The following RXFP2 variants were observed in gnomAD, a reference collection of about 807,000 sequenced individuals.
The protein encoded by RXFP2 is relaxin family peptide receptor 2.
RXFP2 carries 68 observed loss-of-function variants against 88.6 expected under a neutral mutation model. The ratio of observed to expected loss-of-function variants is 0.77; its 90% CI spans 0.63 to 0.94. The LOEUF is 0.94. RXFP2 is among the 40% of genes least tolerant of loss of function. RXFP2 has a pLI of 0.00. For missense variants in RXFP2, 791 were observed against 893.9 expected (o/e 0.88, Z 1.47); for synonymous variants, 329 against 306.8 (o/e 1.07, Z -0.76).
intron 1 of RXFP2, among the ~76,000 whole-genome samples, chr13:31,749,789 A>G (rs1177830559): frequency 1.3e-5 from 2 of 152,212 alleles, no homozygotes; most frequent in Non-Finnish European, 2.9e-5. Flanking sequence ...TTTAATATTC[A>G]CAGTCATATT....
At chr13:31,801,508 T>C (rs1874342273) in intron 17 of RXFP2, among the ~76,000 whole-genome samples, 1 of 152,048 alleles carries the variant, frequency 6.6e-6, no homozygotes, top group African/African-American at 2.4e-5. Flanking sequence ...ACCAAGCAAA[T>C]GAAATGATGC....
chr13:31,775,754 G>C (rs148478319), intron 7 of RXFP2, among the ~76,000 whole-genome samples: 16 of 152,250 alleles, frequency 1.1e-4, no homozygotes, highest in African/African-American at 3.9e-4. Flanking sequence ...TTAAGAACTT[G>C]TTCTGCTTTC....
intron 1 of RXFP2, among the ~76,000 whole-genome samples, chr13:31,741,226 G>A (rs1362462527): frequency 6.6e-6 from 1 of 151,882 alleles, no homozygotes; most frequent in Non-Finnish European, 1.5e-5. Context: ...TTATTTCTAA[G>A]TAAAAGCCAT....
At chr13:31,790,572 T>C (rs1873744779) in intron 14 of RXFP2, among the ~76,000 whole-genome samples, 1 of 152,236 alleles carries the variant, frequency 6.6e-6, no homozygotes, top group African/African-American at 2.4e-5. Context: ...TGCCAGGCAC[T>C]GCGTTAGACA....
chr13:31,767,336 G>T (rs1872587286), intron 5 of RXFP2, among the ~76,000 whole-genome samples: 1 of 152,178 alleles, frequency 6.6e-6, no homozygotes, highest in South Asian at 2.1e-4. Context: ...ATGTGGGTAT[G>T]TGGTCATGTC....
intron 1 of RXFP2, among the ~76,000 whole-genome samples, chr13:31,754,075 C>T (rs760526005): frequency 6.6e-6 from 1 of 152,200 alleles, no homozygotes; most frequent in African/African-American, 2.4e-5. Context: ...CTCTTCCTCC[C>T]CTTCTTTGTC....
At chr13:31,777,296 A>G (rs1873034690) in intron 7 of RXFP2, 80 bp from the exon 8 acceptor site, 1 of 901,118 alleles carries the variant, frequency 1.1e-6, no homozygotes, top group Admixed American at 1.9e-5. Context: ...ACAAAGGAGT[A>G]GGCCAGGTGT....
intron 14 of RXFP2, 38 bp downstream of exon 14, chr13:31,789,231 A>C: frequency 7.3e-6 from 9 of 1,226,560 alleles, no homozygotes; most frequent in Non-Finnish European, 1.1e-5. Flanking sequence ...AAGCATGGTA[A>C]AATGCTTCAA....
intron 1 of RXFP2, among the ~76,000 whole-genome samples, chr13:31,749,620 T>A (rs1421116557): frequency 6.6e-6 from 1 of 152,232 alleles, no homozygotes; most frequent in East Asian, 1.9e-4. Context: ...GTCTTGCCCA[T>A]TTTTTGTTAG....
intron 17 of RXFP2, among the ~76,000 whole-genome samples, chr13:31,800,053 G>A (rs972016214): frequency 6.6e-6 from 1 of 152,214 alleles, no homozygotes; most frequent in Non-Finnish European, 1.5e-5. Flanking sequence ...TCAATAGTCT[G>A]AGGTTTGTCT....
chr13:31,754,402 G>A lies in RXFP2; in HGVS notation c.95-3856G>A, dbSNP rs146450906. 8.2e-3 allele frequency among the ~76,000 whole-genome samples: 1,255 copies of A among 152,204 alleles called. 14 individuals are homozygous for A. Among genetic ancestry groups the A allele is most frequent in the African/African-American group, 0.029 (1,204 of 41,490 alleles). The stretch of plus-strand genomic sequence containing the variant: ...AAAAAATAGCCGGGCGTGGTGGCGT[G>A]TGTCTGTAGTCCCAGCTACTGGGGA... On this transcript the variant is annotated intron_variant, in intron 1 of 17. Coordinates refer to ENST00000298386, the MANE Select transcript of RXFP2 (RefSeq NM_130806.5).
chr13:31,756,590 C>T (rs904864509), intron 1 of RXFP2, among the ~76,000 whole-genome samples: 1 of 151,264 alleles, frequency 6.6e-6, no homozygotes, highest in Non-Finnish European at 1.5e-5. Context: ...TGTGTCTACA[C>T]TCTCCTTAAA....
chr13:31,758,944 A>G (rs1872111381), intron 2 of RXFP2, among the ~76,000 whole-genome samples: 1 of 152,020 alleles, frequency 6.6e-6, no homozygotes, highest in Non-Finnish European at 1.5e-5. Flanking sequence ...GCTACTCGGG[A>G]GGCTGAGGCA....
At chr13:31,764,138 T>C (rs889451855) in intron 3 of RXFP2, among the ~76,000 whole-genome samples, 1 of 152,072 alleles carries the variant, frequency 6.6e-6, no homozygotes, top group South Asian at 2.1e-4. Flanking sequence ...GCTCTATCAG[T>C]ACAAATATTC....
rs1440425769 is a variant in RXFP2, at chr13:31,792,036, G to A, written c.1375+1G>A. 3.1e-6 allele frequency: 5 copies of A among 1,596,682 alleles called. No individual in the cohort carries two copies. Among genetic ancestry groups the A allele is most frequent in the East Asian group, 4.5e-5 (2 of 44,790 alleles). On this transcript the variant is annotated splice_donor_variant, in intron 15 of 17. Coordinates refer to ENST00000298386, the MANE Select transcript of RXFP2 (RefSeq NM_130806.5). LOFTEE classifies it high-confidence loss of function. ...GCTATGTCCATCAAAATCCTTTGTT[G>A]TAAGTATGTTTCCAGTATAAGTAGA... is the stretch of plus-strand genomic sequence containing the variant.
intron 16 of RXFP2, among the ~76,000 whole-genome samples, chr13:31,794,757 G>C (rs1593472337): frequency 6.6e-6 from 1 of 152,114 alleles, no homozygotes. Context: ...GGATTCCCAG[G>C]CTCAAAGCCA....
At chr13:31,742,601 C>T (rs527447742) in intron 1 of RXFP2, among the ~76,000 whole-genome samples, 22 of 152,164 alleles carry the variant, frequency 1.4e-4, no homozygotes, top group Non-Finnish European at 2.6e-4. Flanking sequence ...ACAACAGATG[C>T]TTACTCGTGT....
At position 31,797,263 on chromosome 13, in the gene RXFP2, C is replaced by G; in HGVS notation, c.1849C>G (p.Gln617Glu). The G allele has an allele frequency of 6.2e-7, 1 of 1,613,998 alleles. No homozygotes were observed. Among genetic ancestry groups the G allele is most frequent in the Non-Finnish European group, 8.5e-7 (1 of 1,179,918 alleles). ...FSYITMFCSI[Q>E]KTALQTTEVR... Reference sequence around the variant, plus strand: ...CTATATTACTATGTTCTGTTCCATTCAAAAAACCGCCTTGCAGACCACAGA... The same window carrying G: ...CTATATTACTATGTTCTGTTCCATTGAAAAAACCGCCTTGCAGACCACAGA... Residue 617 changes from glutamine to glutamate, a missense_variant, in exon 17 of 18, where the codon CAA (glutamine) becomes GAA (glutamate). Physicochemically the swap from Gln to Glu is conservative, Grantham distance 29. Coordinates refer to ENST00000298386, the MANE Select transcript of RXFP2 (RefSeq NM_130806.5).
At chr13:31,756,083 G>C (rs1337149427) in intron 1 of RXFP2, among the ~76,000 whole-genome samples, 1 of 119,610 alleles carries the variant, frequency 8.4e-6, no homozygotes, top group Admixed American at 8.2e-5. Context: ...CATCCTAAAA[G>C]CTTAATGTGC....
Sources: allele counts gnomAD v4.1 joint callset (sites outside exome capture counted in the v4.1 genomes callset), GRCh38; gene constraint gnomAD v4.1.1; transcripts MANE v1.5; gene names NCBI Gene and HGNC (gene_info 2026-07-23, HGNC 2026-07-21).